PGM3: variants seen among roughly 807,000 people sequenced by gnomAD.
The protein encoded by PGM3 is phosphoacetylglucosamine mutase.
A neutral mutation model predicts 66.2 loss-of-function variants in PGM3; 40 were observed. The observed-to-expected ratio is 0.60, with a 90% confidence interval of 0.47 to 0.79. The LOEUF is 0.79. PGM3 is among the 30% of genes least tolerant of loss of function. The pLI, the probability that PGM3 is intolerant of heterozygous loss-of-function variation, is 0.00. For missense variants in PGM3, 537 were observed against 643.4 expected (o/e 0.83, Z 1.79); for synonymous variants, 191 against 224.2 (o/e 0.85, Z 1.32).
In PGM3 at chr6:83,165,756, C is replaced by T. The variant is rs541687559; in HGVS notation, c.*3478G>A. ...TTCATAGCCCAATTAGTTCAATTTT[C>T]GAAGCGTTGGTTGTGCAACGTGCGG... On this transcript the variant is annotated 3_prime_UTR_variant, in exon 13 of 13. Coordinates refer to ENST00000513973, the MANE Select transcript of PGM3 (RefSeq NM_015599.3). 1.3e-4 allele frequency: 31 copies of T among 238,022 alleles called. No homozygotes were observed. Among genetic ancestry groups the T allele is most frequent in the Middle Eastern group, 1.6e-3 (1 of 642 alleles). 14.7% of individuals were successfully genotyped at this position (238,022 alleles called of 1,614,324 possible). A position where few individuals can be genotyped will look rare whatever the true frequency, so the allele number is the denominator to read the frequency against.
At chr6:83,152,155 T>C in the PGM3 span, 12 of 1,048,668 alleles carry the variant, frequency 1.1e-5, no homozygotes, top group South Asian at 1.7e-4. Context: ...TAACTTTTTT[T>C]CAGTGGGAAA....
In PGM3 at chr6:83,187,050, A is replaced by G; in HGVS notation, c.415T>C (p.Ser139Pro). Residue 139 changes from serine to proline, a missense_variant, in exon 4 of 13, where the codon TCT (serine) becomes CCT (proline). Ser to Pro is a moderately conservative substitution (Grantham distance 74, BLOSUM62 -1). Transcript: ENST00000513973. ...AGAACAGTCACACCATCTATTACAG[A>G]TTGTGAAAGTTTCTCACTGCTGGGC... ...TRPSSEKLSQ[S>P]VIDGVTVLGG... 6.2e-7 allele frequency: 1 copy of G among 1,602,712 alleles called. No individual in the cohort carries two copies. The highest frequency in any genetic ancestry group is 1.1e-5 in the South Asian group (1 of 90,676).
At chr6:83,159,442 G>GTT (rs566662199), downstream of PGM3, among the ~76,000 whole-genome samples, 14 of 141,160 alleles carry the variant, frequency 9.9e-5, no homozygotes, top group Admixed American at 7.1e-5. Context: ...CCTGGCTAGT[G>GTT]TTTTTTTTTT....
At chr6:83,191,730 A>G (rs1789077510) in intron 1 of PGM3, among the ~76,000 whole-genome samples, 1 of 151,936 alleles carries the variant, frequency 6.6e-6, no homozygotes, top group African/African-American at 2.4e-5. Flanking sequence ...GGCTCACGCC[A>G]GTAATCTTAG....
downstream of PGM3, chr6:83,158,666 C>T: frequency 7.4e-7 from 1 of 1,347,184 alleles, no homozygotes; most frequent in Non-Finnish European, 1.0e-6. Context: ...TTTTAATACC[C>T]TGAAATTATT....
intron 5 of PGM3, 136 bp from the exon 6 acceptor site, chr6:83,182,067 TTGTGTTCA>T (rs1788216871): frequency 2.0e-6 from 1 of 509,804 alleles, no homozygotes; most frequent in Non-Finnish European, 3.3e-6. Flanking sequence ...TCAATTATAA[TTGTGTTCA>T]TTTTTCAATT....
intron 5 of PGM3, 138 bp downstream of exon 5, chr6:83,182,706 CT>C (rs1228254083): frequency 2.5e-5 from 19 of 772,652 alleles, no homozygotes; most frequent in Non-Finnish European, 3.8e-5. Flanking sequence ...TTGTGTAGCC[CT>C]AGAGAAAAAC....
Position 83,168,716 on chromosome 6 carries a change from C to G in PGM3, c.*518G>C. 1 of 996,654 alleles carries G rather than the reference C, an allele frequency of 1.0e-6. No homozygotes were observed. Among genetic ancestry groups the G allele is most frequent in the South Asian group, 4.4e-5 (1 of 22,570 alleles). 61.7% of individuals were successfully genotyped at this position (996,654 alleles called of 1,614,324 possible). ...GTATGGAAGAGGGATGGACAACCCC[C>G]TATTCATACCTCTGAGTTCCTGATG... On this transcript the variant is annotated 3_prime_UTR_variant, in exon 13 of 13. Transcript: ENST00000513973.
chr6:83,181,886 C>T lies in PGM3; in HGVS notation c.637G>A (p.Ala213Thr). 6.2e-7 allele frequency: 1 copy of T among 1,613,706 alleles called. No individual in the cohort carries two copies. Among genetic ancestry groups the T allele is most frequent in the Middle Eastern group, 1.7e-4 (1 of 6,056 alleles). The change falls in exon 6 of 13, where the codon GCA (alanine) becomes ACA (threonine). Residue 213 changes from alanine to threonine, a missense_variant. Transcript: ENST00000513973. ...AGCTTCAGGGCCCCTATGCCATTTG[C>T]ACAGTCAACCTTAAGTGATCTGTAT... ...DEYRSLKVDC[A>T]NGIGALKLRE... is the part of the protein sequence containing the mutation.
At chr6:83,155,507 G>A in the PGM3 span, among the ~76,000 whole-genome samples, 2 of 152,018 alleles carry the variant, frequency 1.3e-5, no homozygotes, top group Non-Finnish European at 2.9e-5. Context: ...ATGGGAGCAC[G>A]CTTGGTGCAC....
intron 10 of PGM3, among the ~76,000 whole-genome samples, chr6:83,173,275 G>A (rs1382414398): frequency 6.6e-6 from 1 of 151,950 alleles, no homozygotes; most frequent in East Asian, 1.9e-4. Context: ...AGATCTCTGT[G>A]GAAGACAATG....
At chr6:83,189,014 T>C (rs556202119) in intron 2 of PGM3, among the ~76,000 whole-genome samples, 47 of 152,294 alleles carry the variant, frequency 3.1e-4, no homozygotes, top group Admixed American at 1.2e-3. Context: ...ATTAAACTAA[T>C]AATCCTATTT....
intron 9 of PGM3, among the ~76,000 whole-genome samples, chr6:83,175,470 A>T (rs565874070): frequency 6.1e-4 from 93 of 152,340 alleles, no homozygotes; most frequent in African/African-American, 2.2e-3. Context: ...AAAACATTTT[A>T]AAAATATTCT....
intron 7 of PGM3, among the ~76,000 whole-genome samples, chr6:83,179,305 G>C (rs545444658): frequency 7.7e-6 from 1 of 130,604 alleles, no homozygotes; most frequent in Non-Finnish European, 1.6e-5. Context: ...GAGCAACACT[G>C]TCTCAAAAAA....
At chr6:83,171,755 G>A (rs1182325845) in intron 11 of PGM3, among the ~76,000 whole-genome samples, 182 bp downstream of exon 11, 2 of 152,170 alleles carry the variant, frequency 1.3e-5, no homozygotes, top group East Asian at 3.9e-4. Context: ...CCAAAGTGCT[G>A]GGATTAAAGG....
chr6:83,179,867 T>A lies in PGM3; in HGVS notation c.888A>T (p.Ile296=). The part of the protein sequence containing the change: ...YHDADGHFHL[I]DGDKIATLIS... ...TTAACGTTGCTATCTTGTCTCCATC[T>A]ATGAGATGAAAGTGGCCATCTGCAT... The change falls in exon 7 of 13, where the codon ATA becomes ATT. Residue 296 remains isoleucine, a synonymous_variant. Transcript: ENST00000513973. 2 of 1,613,526 alleles carry A rather than the reference T, an allele frequency of 1.2e-6. No individual in the cohort carries two copies. The highest frequency in any genetic ancestry group is 1.7e-6 in the Non-Finnish European group (2 of 1,179,582).
the PGM3 span, among the ~76,000 whole-genome samples, chr6:83,149,142 T>A: frequency 1.3e-4 from 19 of 151,786 alleles, no homozygotes; most frequent in African/African-American, 4.4e-4. Context: ...GTGGAGAGTA[T>A]GGAATGGAAA....
At chr6:83,159,731 A>G, downstream of PGM3, 2 of 1,575,736 alleles carry the variant, frequency 1.3e-6, no homozygotes, top group Non-Finnish European at 1.7e-6. Flanking sequence ...GTACTTTTAG[A>G]TCTTTCCAGG....
At position 83,176,064 on chromosome 6, in the gene PGM3, T is replaced by C. The variant is rs1787737680; in HGVS notation, c.1030-4A>G. 2 of 1,484,236 alleles carry C rather than the reference T, an allele frequency of 1.3e-6. No homozygotes were observed. Among genetic ancestry groups the C allele is most frequent in the African/African-American group, 2.8e-5 (2 of 72,476 alleles). The allele number at this position is 1,484,236 out of a possible 1,614,324, so 91.9% of individuals were successfully genotyped here. ...TCTTAGTGCAATAGACAGGTACCTA[T>C]AACACATGCATTTAAAGAAATACAG... On this transcript the variant is annotated splice_region_variant and splice_polypyrimidine_tract_variant and intron_variant, in intron 8 of 12. Transcript: ENST00000513973.
Sources: allele counts gnomAD v4.1 joint callset (sites outside exome capture counted in the v4.1 genomes callset), GRCh38; gene constraint gnomAD v4.1.1; transcripts MANE v1.5; gene names NCBI Gene and HGNC (gene_info 2026-07-23, HGNC 2026-07-21).